The following RFX7 variants were observed in gnomAD, a reference collection of about 807,000 sequenced individuals.
The protein encoded by RFX7 is DNA-binding protein RFX7.
Under a neutral mutation model 111.8 loss-of-function variants are expected in RFX7, and 26 were observed. The observed-to-expected ratio is 0.23, with a 90% CI of 0.17 to 0.32. The LOEUF is 0.32. Ranked by LOEUF, RFX7 falls within the 10% of genes least tolerant of loss-of-function variation. The pLI, the probability that RFX7 is intolerant of heterozygous loss-of-function variation, is 1.00. For synonymous variants in RFX7, 624 were observed against 624.4 expected, an observed-to-expected ratio of 1.00 and a Z score of 0.01; for missense variants, 1,573 against 1,772.9, an observed-to-expected ratio of 0.89 and a Z score of 2.02.
chr15:56,097,438 A>C (rs149381254), intron 9 of RFX7, among the ~76,000 whole-genome samples: 32 of 152,270 alleles, frequency 2.1e-4, no homozygotes, highest in African/African-American at 7.0e-4. Flanking sequence ...AAAGCGTTTA[A>C]ATTTTAAAAA....
At chr15:56,221,477 T>C (rs1242855529) in intron 2 of RFX7, among the ~76,000 whole-genome samples, 2 of 152,186 alleles carry the variant, frequency 1.3e-5, no homozygotes, top group Non-Finnish European at 2.9e-5. Context: ...ATATCTCTTG[T>C]AGACAGTATA....
intron 5 of RFX7, among the ~76,000 whole-genome samples, chr15:56,103,872 G>A (rs1222181309): frequency 1.3e-5 from 2 of 152,152 alleles, no homozygotes; most frequent in African/African-American, 4.8e-5. Flanking sequence ...AGGGTATATA[G>A]TCCTGCTTTC....
At chr15:56,205,479 TCTC>T (rs1313782319) in intron 2 of RFX7, among the ~76,000 whole-genome samples, 1 of 152,172 alleles carries the variant, frequency 6.6e-6, no homozygotes, top group Non-Finnish European at 1.5e-5. Flanking sequence ...TTCTCTCACT[TCTC>T]CTCCCAGAGT....
rs150617170 is a variant in RFX7 at position 56,199,682 on chromosome 15, A to G, written c.162-20379T>C. 8.5e-4 allele frequency among the ~76,000 whole-genome samples: 130 copies of G among 152,294 alleles called. 1 individual carries two copies. The East Asian group carries it at 0.019, about 22-fold the overall frequency. On this transcript the variant is annotated intron_variant, in intron 2 of 9. Transcript: ENST00000559447. ...TAGTAAGAAACACCATGGTAAATAT[A>G]GCAGGAACCAAAAACATGGTCTTGA...
chr15:56,112,116 G>GAAA (rs754438474), intron 5 of RFX7, among the ~76,000 whole-genome samples: 2 of 95,718 alleles, frequency 2.1e-5, no homozygotes, highest in African/African-American at 7.9e-5. Context: ...CTTTGCCCCA[G>GAAA]AAAAAAAAAA....
chr15:56,178,143 A>G (rs1344783897), intron 3 of RFX7, among the ~76,000 whole-genome samples: 1 of 149,174 alleles, frequency 6.7e-6, no homozygotes, highest in African/African-American at 2.5e-5. Context: ...AAGACAAAAA[A>G]AAAAACTCGA....
intron 2 of RFX7, among the ~76,000 whole-genome samples, chr15:56,189,329 CTGATCA>C (rs2043076783): frequency 6.6e-6 from 1 of 152,110 alleles, no homozygotes; most frequent in Admixed American, 6.6e-5. Flanking sequence ...TCAGTGAGCT[CTGATCA>C]TGTTACTGCA....
At chr15:56,122,154 T>C (rs1422923797) in intron 5 of RFX7, among the ~76,000 whole-genome samples, 1 of 152,172 alleles carries the variant, frequency 6.6e-6, no homozygotes, top group African/African-American at 2.4e-5. Flanking sequence ...TTTGTACCCA[T>C]CCTACTGGGA....
chr15:56,106,988 C>T (rs748583147), intron 5 of RFX7, among the ~76,000 whole-genome samples: 1 of 152,050 alleles, frequency 6.6e-6, no homozygotes, highest in African/African-American at 2.4e-5. Context: ...GTTCTGTTTA[C>T]GCGATCACTA....
At chr15:56,186,926 C>G (rs1189383557) in intron 2 of RFX7, among the ~76,000 whole-genome samples, 1 of 152,076 alleles carries the variant, frequency 6.6e-6, no homozygotes, top group East Asian at 1.9e-4. Flanking sequence ...TACTAAGAGT[C>G]TTCAAATTTT....
rs1276832812 is a variant in RFX7 at position 56,096,106 on chromosome 15, GGTT to G, written c.1619_1621del (p.Glu540_Pro541delinsAla). 6.2e-7 allele frequency: 1 copy of G among 1,613,698 alleles called. No homozygotes were observed. The highest frequency in any genetic ancestry group is 8.5e-7 in the Non-Finnish European group (1 of 1,179,810). On this transcript the variant is annotated inframe_deletion, in exon 10 of 10. Transcript: ENST00000559447. ...AGGATGCTCATCTGATGATGTTTCG[GGTT>G]CCACTTTGACTTCCACAGCAGATGT...
intron 5 of RFX7, among the ~76,000 whole-genome samples, chr15:56,113,429 C>T (rs1233565582): frequency 6.6e-6 from 1 of 152,118 alleles, no homozygotes; most frequent in Non-Finnish European, 1.5e-5. Flanking sequence ...TGTTCTTACT[C>T]GTAAGTGGGA....
chr15:56,110,504 C>T (rs1377486761), intron 5 of RFX7, among the ~76,000 whole-genome samples: 6 of 104,040 alleles, frequency 5.8e-5, no homozygotes, highest in African/African-American at 2.1e-4. Context: ...AGTGAGGAGC[C>T]CCTCTGCCCG....
chr15:56,102,880 A>C (rs2041775662), intron 6 of RFX7, among the ~76,000 whole-genome samples: 1 of 152,132 alleles, frequency 6.6e-6, no homozygotes, highest in African/African-American at 2.4e-5. Flanking sequence ...ACAAGAGCTA[A>C]GGGGGAGAAA....
At chr15:56,110,991 C>A (rs1309976097) in intron 5 of RFX7, among the ~76,000 whole-genome samples, 2 of 31,006 alleles carry the variant, frequency 6.5e-5, no homozygotes, top group Non-Finnish European at 1.6e-4. Context: ...GTCAGCCCCC[C>A]GCCCGGCCAG....
intron 2 of RFX7, among the ~76,000 whole-genome samples, chr15:56,208,004 T>G (rs1473194164): frequency 6.6e-6 from 1 of 152,176 alleles, no homozygotes; most frequent in African/African-American, 2.4e-5. Flanking sequence ...AGGCTCAGAA[T>G]GAACAAGTCT....
chr15:56,163,719 A>C (rs1052901314), intron 3 of RFX7, among the ~76,000 whole-genome samples: 1 of 152,224 alleles, frequency 6.6e-6, no homozygotes, highest in Admixed American at 6.5e-5. Flanking sequence ...GCAGAGACTC[A>C]AAACAGTTAT....
At chr15:56,165,957 A>T (rs2042777231) in intron 3 of RFX7, among the ~76,000 whole-genome samples, 1 of 152,166 alleles carries the variant, frequency 6.6e-6, no homozygotes, top group Non-Finnish European at 1.5e-5. Flanking sequence ...GCTGGAGTGC[A>T]GTGGCACGTT....
In RFX7 at chr15:56,093,565, G is replaced by C. The variant is rs746648194; in HGVS notation, c.4163C>G (p.Ser1388Cys). 1 of 1,613,600 alleles carries C rather than the reference G, an allele frequency of 6.2e-7. No homozygotes were observed. The highest frequency in any genetic ancestry group is 8.5e-7 in the Non-Finnish European group (1 of 1,179,716). The change falls in exon 10 of 10, where the codon TCT becomes TGT. Residue 1388 changes from serine (S) to cysteine (C), a missense_variant. By Grantham distance (112) the Ser-to-Cys change is moderately radical. Transcript: ENST00000559447. ...SDFSSDIRLS[S>C]ELSGSINDLN... ...ATCATTGATGCTGCCTGAGAGCTCA[G>C]AAGACAACCTGATATCGCTAGAGAA...
Sources: gnomAD v4.1 joint callset for allele counts (sites outside exome capture counted in the v4.1 genomes callset) on GRCh38, gnomAD v4.1.1 for gene constraint, MANE v1.5 for transcripts, NCBI Gene and HGNC (gene_info 2026-07-23, HGNC 2026-07-21) for gene names.